Variants in GSK3B observed in about 807,000 individuals in gnomAD.
GSK3B encodes glycogen synthase kinase-3 beta.
A neutral mutation model predicts 56.4 loss-of-function variants in GSK3B; 15 were observed. That is an observed-to-expected ratio of 0.27 (90% CI 0.18 to 0.41). The LOEUF (loss-of-function observed/expected upper bound fraction) is 0.41. Among genes scored for constraint, GSK3B ranks in the 10% least tolerant of loss-of-function variants. The pLI is 1.00. For synonymous variants in GSK3B, 181 were observed against 188.9 expected (o/e 0.96, Z 0.34); for missense variants, 300 against 513.4 (o/e 0.58, Z 4.02).
At chr3:119,886,788 T>C (rs2056441133) in intron 7 of GSK3B, among the ~76,000 whole-genome samples, 1 of 152,126 alleles carries the variant, frequency 6.6e-6, no homozygotes. Context: ...ATACTGCATG[T>C]TCTCACTTAT....
At chr3:120,024,850 G>A (rs560600743) in intron 1 of GSK3B, among the ~76,000 whole-genome samples, 69 of 152,262 alleles carry the variant, frequency 4.5e-4, no homozygotes, top group African/African-American at 1.5e-3. Context: ...TAACATTAAT[G>A]GCAGAAGGCA....
chr3:119,957,910 T>C (rs1037732594), intron 2 of GSK3B, among the ~76,000 whole-genome samples: 2 of 152,188 alleles, frequency 1.3e-5, no homozygotes, highest in African/African-American at 4.8e-5. Context: ...GAGCTTATAA[T>C]TCAAAATAAG....
intron 1 of GSK3B, among the ~76,000 whole-genome samples, chr3:120,043,735 T>C (rs1197427313): frequency 1.3e-5 from 2 of 152,188 alleles, no homozygotes; most frequent in African/African-American, 4.8e-5. Context: ...ACTATTTCCA[T>C]TAATACTCCT....
chr3:120,084,765 A>AT (rs2058449652), intron 1 of GSK3B: 1 of 152,228 alleles, frequency 6.6e-6, no homozygotes, highest in Non-Finnish European at 1.5e-5. Context: ...GACTATTAAC[A>AT]TTTTACCTCT....
At chr3:119,967,327 C>T (rs898952585) in intron 2 of GSK3B, among the ~76,000 whole-genome samples, 10 of 152,246 alleles carry the variant, frequency 6.6e-5, no homozygotes, top group East Asian at 3.9e-4. Flanking sequence ...ATGTCCGCCT[C>T]GGCCTCCCAA....
In GSK3B at chr3:120,002,003, T is replaced by C. The variant is rs775308472; in HGVS notation, c.282+43A>G. ...AAAAAATAATCATTTATGGTATATG[T>C]ATTACGACAGCAACAAAATATATGA... On this transcript the variant is annotated intron_variant, in intron 2 of 10. Coordinates refer to ENST00000264235, the MANE Select transcript of GSK3B (RefSeq NM_001146156.2). 10 of 1,258,414 alleles carry C rather than the reference T, an allele frequency of 7.9e-6. No homozygotes were observed. The South Asian group carries it at 1.7e-4, about 21-fold the overall frequency. 78.0% of individuals were successfully genotyped at this position (1,258,414 alleles called of 1,614,324 possible).
chr3:119,856,368 A>C (rs2056023006), intron 9 of GSK3B, among the ~76,000 whole-genome samples: 1 of 152,102 alleles, frequency 6.6e-6, no homozygotes, highest in African/African-American at 2.4e-5. Context: ...ATCTGTCCAA[A>C]CTACACACAG....
At chr3:119,974,260 C>T (rs569959000) in intron 2 of GSK3B, among the ~76,000 whole-genome samples, 2 of 152,102 alleles carry the variant, frequency 1.3e-5, no homozygotes, top group African/African-American at 4.8e-5. Context: ...AATAAGAAAA[C>T]CAACAACTCA....
intron 7 of GSK3B, among the ~76,000 whole-genome samples, chr3:119,896,268 A>C (rs2056562335): frequency 6.6e-6 from 1 of 152,180 alleles, no homozygotes; most frequent in Non-Finnish European, 1.5e-5. Context: ...TGATTACGTA[A>C]ACTATTGAAC....
intron 10 of GSK3B, among the ~76,000 whole-genome samples, chr3:119,836,507 C>T (rs1206435363): frequency 3.3e-5 from 5 of 152,014 alleles, no homozygotes; most frequent in Non-Finnish European, 5.9e-5. Context: ...AAATCTAAAA[C>T]GGATTACAGA....
At chr3:120,072,686 T>A (rs1576310321) in intron 1 of GSK3B, among the ~76,000 whole-genome samples, 1 of 152,224 alleles carries the variant, frequency 6.6e-6, no homozygotes, top group African/African-American at 2.4e-5. Context: ...TATTTAAGAT[T>A]CAAAGTTTTC....
intron 1 of GSK3B, among the ~76,000 whole-genome samples, chr3:120,018,519 T>G (rs2057846148): frequency 6.6e-6 from 1 of 152,182 alleles, no homozygotes; most frequent in African/African-American, 2.4e-5. Context: ...ACACTACAGT[T>G]TAGACTGTGT....
chr3:120,036,309 A>C (rs993308762), intron 1 of GSK3B, among the ~76,000 whole-genome samples: 14 of 152,222 alleles, frequency 9.2e-5, no homozygotes, highest in Non-Finnish European at 2.1e-4. Context: ...GTAACAGAAA[A>C]ACATAAACAC....
chr3:120,024,175 A>AT (rs869286679), intron 1 of GSK3B, among the ~76,000 whole-genome samples: 8 of 151,692 alleles, frequency 5.3e-5, no homozygotes, highest in East Asian at 1.9e-4. Flanking sequence ...TACAAAAAAA[A>AT]TTTTTTTTTA....
intron 7 of GSK3B, among the ~76,000 whole-genome samples, chr3:119,889,202 C>T (rs922573799): frequency 3.3e-5 from 5 of 152,004 alleles, no homozygotes; most frequent in African/African-American, 1.2e-4. Flanking sequence ...CTCAGGTGGG[C>T]ATCACGGTTC....
intron 3 of GSK3B, among the ~76,000 whole-genome samples, chr3:119,943,298 C>T (rs1025326220): frequency 1.3e-5 from 2 of 151,938 alleles, no homozygotes; most frequent in Non-Finnish European, 2.9e-5. Flanking sequence ...TATGACAAGG[C>T]CACAGGGTAG....
At chr3:119,934,297 C>T (rs550196699) in intron 3 of GSK3B, among the ~76,000 whole-genome samples, 2 of 152,296 alleles carry the variant, frequency 1.3e-5, no homozygotes, top group African/African-American at 4.8e-5. Context: ...AGTATATGTC[C>T]TTGATATGAT....
intron 1 of GSK3B, among the ~76,000 whole-genome samples, chr3:120,013,679 A>G (rs1232296839): frequency 6.6e-6 from 1 of 152,168 alleles, no homozygotes. Context: ...CTGTCTAACA[A>G]TAGTATTAGC....
intron 1 of GSK3B, among the ~76,000 whole-genome samples, chr3:120,049,712 G>C (rs1301549667): frequency 6.6e-6 from 1 of 152,140 alleles, no homozygotes; most frequent in Non-Finnish European, 1.5e-5. Context: ...TGTTTACCTG[G>C]GGTAGGACAG....
Sources: gnomAD v4.1 joint callset for allele counts (sites outside exome capture counted in the v4.1 genomes callset) on GRCh38, gnomAD v4.1.1 for gene constraint, MANE v1.5 for transcripts, NCBI Gene and HGNC (gene_info 2026-07-23, HGNC 2026-07-21) for gene names.